ELOC: variants seen among roughly 807,000 people sequenced by gnomAD.
ELOC encodes elongin C.
For synonymous variants in ELOC, 40 were observed against 51.3 expected (o/e 0.78, Z 0.94); for missense variants, 38 against 139.0 (o/e 0.27, Z 3.65).
At chr8:73,967,509 C>A (rs572145779) in intron 1 of ELOC, among the ~76,000 whole-genome samples, 49 of 150,306 alleles carry the variant, frequency 3.3e-4, no homozygotes, top group Non-Finnish European at 5.3e-4. Context: ...CTCTTGTTAC[C>A]CAGGCTGGAG....
rs1232057405 is a variant in ELOC, at chr8:73,946,359, T to C, written c.*271A>G. ...GTATTTACTATATCATCATTGCTGA[T>C]TTTAAGTCACATTCAAAGGATAAGG... On this transcript the variant is annotated 3_prime_UTR_variant, in exon 4 of 4. Coordinates refer to ENST00000520242, the MANE Select transcript of ELOC (RefSeq NM_005648.4). The C allele has an allele frequency of 2.6e-5, 8 of 305,276 alleles. No individual in the cohort carries two copies. The highest frequency in any genetic ancestry group is 8.6e-5 in the South Asian group (1 of 11,656). The allele number at this position is 305,276 out of a possible 1,614,324, so 18.9% of individuals were successfully genotyped here. A position where few individuals can be genotyped will look rare whatever the true frequency, so the allele number is the denominator to read the frequency against.
intron 3 of ELOC, among the ~76,000 whole-genome samples, chr8:73,954,073 A>G (rs960685982): frequency 1.3e-5 from 2 of 152,218 alleles, no homozygotes; most frequent in African/African-American, 4.8e-5. Flanking sequence ...GAAAAATAAC[A>G]AAAGCCAGAT....
At chr8:73,964,687 A>G (rs1048872786) in intron 1 of ELOC, 2 of 152,190 alleles carry the variant, frequency 1.3e-5, no homozygotes, top group African/African-American at 4.8e-5. Flanking sequence ...TTGTAAATGA[A>G]AAACTTGATG....
chr8:73,968,918 C>T (rs996780949), intron 1 of ELOC, among the ~76,000 whole-genome samples: 1 of 152,186 alleles, frequency 6.6e-6, no homozygotes, highest in African/African-American at 2.4e-5. Flanking sequence ...ACATTTCTTC[C>T]TTAGTACTCC....
intron 2 of ELOC, among the ~76,000 whole-genome samples, chr8:73,956,898 T>C (rs1346123049): frequency 6.6e-6 from 1 of 152,104 alleles, no homozygotes; most frequent in Non-Finnish European, 1.5e-5. Flanking sequence ...TCCCAGCACT[T>C]TGGGAGGCCA....
Position 73,967,281 on chromosome 8 carries a change from C to T in ELOC, c.-51+4796G>A, listed in dbSNP as rs891310820. ...TACATTTTTAGTGTGGGGGTTGACACACTAAAGGGCCAAAAAATAAGTATT... is the reference window on the plus strand; with the variant it reads ...TACATTTTTAGTGTGGGGGTTGACATACTAAAGGGCCAAAAAATAAGTATT... On this transcript the variant is annotated intron_variant, in intron 1 of 3. Transcript: ENST00000520242. Among the ~76,000 whole-genome samples the T allele has an allele frequency of 2.0e-5, 3 of 152,156 alleles. No individual in the cohort carries two copies. In the East Asian group the frequency reaches 5.8e-4, roughly 29 times the overall value.
At chr8:73,967,484 T>G (rs1204018882) in intron 1 of ELOC, among the ~76,000 whole-genome samples, 1 of 150,968 alleles carries the variant, frequency 6.6e-6, no homozygotes, top group African/African-American at 2.4e-5. Flanking sequence ...TTTTTTTTTT[T>G]GAGACAGAGT....
At position 73,946,347 on chromosome 8, in the gene ELOC, C is replaced by A; in HGVS notation, c.*283G>T. 1 of 280,262 alleles carries A rather than the reference C, an allele frequency of 3.6e-6. No homozygotes were observed. Among genetic ancestry groups the A allele is most frequent in the Non-Finnish European group, 6.7e-6 (1 of 149,124 alleles). The allele number at this position is 280,262 out of a possible 1,614,324, so 17.4% of individuals were successfully genotyped here. On this transcript the variant is annotated 3_prime_UTR_variant, in exon 4 of 4. Coordinates refer to ENST00000520242, the MANE Select transcript of ELOC (RefSeq NM_005648.4). ...ACCTAAATTTCAGTATTTACTATAT[C>A]ATCATTGCTGATTTTAAGTCACATT... is the stretch of plus-strand genomic sequence containing the variant.
chr8:73,972,197 C>G (rs140081618), upstream of ELOC: 1 of 152,516 alleles, frequency 6.6e-6, no homozygotes, highest in East Asian at 1.9e-4. Context: ...GAAAGAATTA[C>G]TTCCGCTGGG....
intron 2 of ELOC, among the ~76,000 whole-genome samples, chr8:73,958,913 G>A (rs1383344292): frequency 6.6e-6 from 1 of 152,136 alleles, no homozygotes; most frequent in Non-Finnish European, 1.5e-5. Flanking sequence ...AATCTAGAGT[G>A]TATTTACACC....
intron 3 of ELOC, among the ~76,000 whole-genome samples, chr8:73,951,647 C>CACAACAACA (rs71269967): frequency 0.024 from 3,584 of 149,902 alleles, 72 homozygotes; most frequent in African/African-American, 0.053. Flanking sequence ...CAAAAAACCC[C>CACAACAACA]ACAACAACAA....
At chr8:73,960,301 A>G (rs1356637347) in intron 1 of ELOC, among the ~76,000 whole-genome samples, 1 of 152,196 alleles carries the variant, frequency 6.6e-6, no homozygotes, top group African/African-American at 2.4e-5. Context: ...GTTGTATAAT[A>G]AAGAATTTGG....
chr8:73,956,204 A>T (rs1413447492), intron 2 of ELOC, 150 bp from the exon 3 acceptor site: 1 of 657,580 alleles, frequency 1.5e-6, no homozygotes, highest in Non-Finnish European at 2.6e-6. Flanking sequence ...CAGCCTGGTC[A>T]AACAAGCCCG....
chr8:73,959,117 C>A (rs1814414074), intron 2 of ELOC, among the ~76,000 whole-genome samples: 2 of 152,152 alleles, frequency 1.3e-5, no homozygotes. Flanking sequence ...ATGGAGTCTG[C>A]AGGACTGGAA....
intron 1 of ELOC, among the ~76,000 whole-genome samples, chr8:73,971,032 CAAA>C (rs67188912): frequency 1.5e-3 from 94 of 62,030 alleles, no homozygotes; most frequent in African/African-American, 5.7e-3. Flanking sequence ...GACTCCGTCT[CAAA>C]AAAAAAAAAA....
intron 1 of ELOC, among the ~76,000 whole-genome samples, chr8:73,965,050 A>C (rs1814878191): frequency 6.6e-6 from 1 of 151,308 alleles, no homozygotes; most frequent in South Asian, 2.1e-4. Flanking sequence ...AAAAAAAAAA[A>C]AAACTCTCAA....
At chr8:73,948,722 C>A (rs1365756500) in intron 3 of ELOC, among the ~76,000 whole-genome samples, 1 of 152,190 alleles carries the variant, frequency 6.6e-6, no homozygotes, top group Non-Finnish European at 1.5e-5. Flanking sequence ...GTAGTCTCAG[C>A]TACTGGGGAG....
At chr8:73,953,176 T>C (rs1474504351) in intron 3 of ELOC, among the ~76,000 whole-genome samples, 2 of 151,700 alleles carry the variant, frequency 1.3e-5, no homozygotes, top group Non-Finnish European at 2.9e-5. Context: ...CATGGTGGTG[T>C]GCACCTATAA....
At chr8:73,962,401 T>G (rs539679644) in intron 1 of ELOC, among the ~76,000 whole-genome samples, 22 of 152,308 alleles carry the variant, frequency 1.4e-4, no homozygotes, top group Non-Finnish European at 2.8e-4. Context: ...TGGCTCCAGT[T>G]AAACTTAATT....
Sources: gnomAD v4.1 joint callset for allele counts (sites outside exome capture counted in the v4.1 genomes callset) on GRCh38, gnomAD v4.1.1 for gene constraint, MANE v1.5 for transcripts, NCBI Gene and HGNC (gene_info 2026-07-23, HGNC 2026-07-21) for gene names.